PPARGC1A: variants seen among roughly 807,000 people sequenced by gnomAD.
PPARGC1A encodes the protein PPARG coactivator 1 alpha.
A neutral mutation model predicts 88.7 loss-of-function variants in PPARGC1A; 25 were observed. The ratio of observed to expected loss-of-function variants is 0.28; its 90% CI spans 0.21 to 0.39. PPARGC1A has a LOEUF of 0.39. Among genes scored for constraint, PPARGC1A ranks in the 10% least tolerant of loss-of-function variants. The pLI, the probability that PPARGC1A is intolerant of heterozygous loss-of-function variation, is 1.00. For missense variants in PPARGC1A, 880 were observed against 968.7 expected (o/e 0.91, Z 1.22); for synonymous variants, 363 against 355.6 (o/e 1.02, Z -0.24).
chr4:24,464,437 T>G, the PPARGC1A span, among the ~76,000 whole-genome samples: 3 of 152,220 alleles, frequency 2.0e-5, no homozygotes. Flanking sequence ...AGAATCATAA[T>G]CACTCATTGT....
chr4:24,110,449 G>C, the PPARGC1A span, among the ~76,000 whole-genome samples: 1 of 152,116 alleles, frequency 6.6e-6, no homozygotes, highest in Non-Finnish European at 1.5e-5. Context: ...GGACTTAAAA[G>C]TCTCAGCTCC....
chr4:23,878,425 G>A (rs1256755246), intron 2 of PPARGC1A, among the ~76,000 whole-genome samples: 1 of 151,266 alleles, frequency 6.6e-6, no homozygotes, highest in Non-Finnish European at 1.5e-5. Context: ...CAGCAGGAAA[G>A]TTAGTGCCAG....
the PPARGC1A span, among the ~76,000 whole-genome samples, chr4:24,225,191 G>A: frequency 1.3e-5 from 2 of 152,180 alleles, no homozygotes. Context: ...ACAGGAGAAA[G>A]GAAAGAATCA....
At chr4:24,028,041 G>A in the PPARGC1A span, among the ~76,000 whole-genome samples, 1 of 151,922 alleles carries the variant, frequency 6.6e-6, no homozygotes, top group Non-Finnish European at 1.5e-5. Context: ...GAAAATTAAA[G>A]TAACTTAGTC....
the PPARGC1A span, among the ~76,000 whole-genome samples, chr4:24,401,627 C>A: frequency 1.3e-5 from 2 of 152,180 alleles, no homozygotes; most frequent in Non-Finnish European, 2.9e-5. Flanking sequence ...CACAAAAACC[C>A]TTTAAGATAA....
At chr4:24,412,139 A>G in the PPARGC1A span, among the ~76,000 whole-genome samples, 1 of 151,984 alleles carries the variant, frequency 6.6e-6, no homozygotes, top group Non-Finnish European at 1.5e-5. Context: ...CCAGCAATGA[A>G]TGAAAGTTCC....
At chr4:23,838,692 G>A (rs947384795) in intron 2 of PPARGC1A, among the ~76,000 whole-genome samples, 5 of 152,110 alleles carry the variant, frequency 3.3e-5, no homozygotes, top group Admixed American at 3.3e-4. Context: ...GCTGGAATTT[G>A]TGGGCCGGTA....
chr4:24,448,768 G>C, the PPARGC1A span, among the ~76,000 whole-genome samples: 1 of 152,090 alleles, frequency 6.6e-6, no homozygotes, highest in Non-Finnish European at 1.5e-5. Context: ...CTCCCTGCAT[G>C]TCTCACACAC....
the PPARGC1A span, among the ~76,000 whole-genome samples, chr4:24,016,148 A>C: frequency 7.2e-5 from 11 of 152,216 alleles, no homozygotes; most frequent in African/African-American, 2.7e-4. Flanking sequence ...AATGCTCTGA[A>C]AATTGGAAAC....
chr4:24,013,378 T>C, the PPARGC1A span, among the ~76,000 whole-genome samples: 1 of 152,050 alleles, frequency 6.6e-6, no homozygotes, highest in African/African-American at 2.4e-5. Flanking sequence ...AGTCCAAATA[T>C]CACTTCCCAA....
the PPARGC1A span, among the ~76,000 whole-genome samples, chr4:24,320,887 T>C: frequency 1.3e-5 from 2 of 152,152 alleles, no homozygotes; most frequent in Non-Finnish European, 2.9e-5. Flanking sequence ...AGCTGGAAAA[T>C]GGCTCCCAGA....
At chr4:24,163,501 TA>T in the PPARGC1A span, among the ~76,000 whole-genome samples, 2 of 151,994 alleles carry the variant, frequency 1.3e-5, no homozygotes, top group Admixed American at 6.6e-5. Context: ...AGCATCAATT[TA>T]AAAAAATATG....
chr4:24,144,212 A>G, the PPARGC1A span, among the ~76,000 whole-genome samples: 1 of 152,190 alleles, frequency 6.6e-6, no homozygotes, highest in Non-Finnish European at 1.5e-5. Flanking sequence ...TATTTTAGCA[A>G]ATAGAATGGA....
chr4:24,267,791 C>T, the PPARGC1A span, among the ~76,000 whole-genome samples: 1 of 152,176 alleles, frequency 6.6e-6, no homozygotes. Flanking sequence ...CATAATTCTA[C>T]TATGCACCAT....
At chr4:23,880,119 A>T (rs956557164) in intron 2 of PPARGC1A, 2 of 152,240 alleles carry the variant, frequency 1.3e-5, no homozygotes. Context: ...ATATATATAT[A>T]ATCCTATGTA....
chr4:24,458,811 A>T, the PPARGC1A span, among the ~76,000 whole-genome samples: 1 of 152,328 alleles, frequency 6.6e-6, no homozygotes, highest in African/African-American at 2.4e-5. Context: ...AATTATATGG[A>T]GGCATATGAA....
At chr4:24,419,646 A>G in the PPARGC1A span, among the ~76,000 whole-genome samples, 36 of 151,942 alleles carry the variant, frequency 2.4e-4, 1 homozygote, top group East Asian at 6.8e-3. Context: ...GGGCGCACTC[A>G]TTCTCAGTCT....
the PPARGC1A span, among the ~76,000 whole-genome samples, chr4:24,200,938 T>C: frequency 6.6e-6 from 1 of 152,204 alleles, no homozygotes; most frequent in Non-Finnish European, 1.5e-5. Context: ...ATTCACTCTA[T>C]TCATTAATCC....
chr4:24,378,872 G>T, the PPARGC1A span, among the ~76,000 whole-genome samples: 5 of 152,100 alleles, frequency 3.3e-5, no homozygotes. Flanking sequence ...CAAAGATTAG[G>T]TTTCTTAAAA....
Sources: allele counts gnomAD v4.1 joint callset (sites outside exome capture counted in the v4.1 genomes callset), GRCh38; gene constraint gnomAD v4.1.1; transcripts MANE v1.5; gene names NCBI Gene and HGNC (gene_info 2026-07-23, HGNC 2026-07-21).